Variants in NTN1 observed in about 807,000 individuals in gnomAD.
The protein encoded by NTN1 is netrin 1.
A neutral mutation model predicts 54.2 loss-of-function variants in NTN1; 11 were observed. That is an observed-to-expected ratio of 0.20 (90% CI 0.13 to 0.34). NTN1 has a LOEUF of 0.34. NTN1 is among the 10% of genes least tolerant of loss of function. NTN1 has a pLI of 1.00. For missense variants in NTN1, 740 were observed against 893.1 expected, an observed-to-expected ratio of 0.83 and a Z score of 2.18; for synonymous variants, 371 against 382.0, an observed-to-expected ratio of 0.97 and a Z score of 0.33.
intron 2 of NTN1, among the ~76,000 whole-genome samples, chr17:9,071,346 G>A (rs1377590542): frequency 1.3e-5 from 2 of 152,096 alleles, no homozygotes; most frequent in Non-Finnish European, 2.9e-5. Flanking sequence ...ACGGTCCACA[G>A]CTTGCTCTAA....
chr17:9,154,027 A>C (rs975128971), intron 2 of NTN1, among the ~76,000 whole-genome samples: 16 of 152,230 alleles, frequency 1.1e-4, no homozygotes, highest in Non-Finnish European at 1.8e-4. Flanking sequence ...AGTGGAACCA[A>C]CTACTCCTGT....
chr17:9,204,601 A>G (rs79793737), intron 5 of NTN1, among the ~76,000 whole-genome samples: 6,176 of 152,228 alleles, frequency 0.041, 243 homozygotes, highest in East Asian at 0.17. Flanking sequence ...TTTCAGTTCC[A>G]AGGGGGTGGA....
At chr17:9,109,609 CTGGGGTTATGAA>C (rs2092183082) in intron 2 of NTN1, among the ~76,000 whole-genome samples, 1 of 152,134 alleles carries the variant, frequency 6.6e-6, no homozygotes, top group Non-Finnish European at 1.5e-5. Context: ...TCCATATCTC[CTGGGGTTATGAA>C]TGAGATTTCT....
At chr17:9,109,810 G>A (rs569185472) in intron 2 of NTN1, among the ~76,000 whole-genome samples, 2 of 152,346 alleles carry the variant, frequency 1.3e-5, no homozygotes, top group South Asian at 4.1e-4. Context: ...TTCCGATGGT[G>A]TGTGGTTTAA....
chr17:9,190,714 T>C (rs1904427784), intron 5 of NTN1, among the ~76,000 whole-genome samples: 1 of 152,124 alleles, frequency 6.6e-6, no homozygotes, highest in African/African-American at 2.4e-5. Flanking sequence ...GAGCTGGACA[T>C]GGTAGTGAGC....
In NTN1 at chr17:9,027,264, A is replaced by T. The variant is rs189920865; in HGVS notation, c.1018+3873A>T. 3.3e-5 allele frequency among the ~76,000 whole-genome samples: 5 copies of T among 152,348 alleles called. No individual in the cohort carries two copies. In the East Asian group the frequency reaches 9.6e-4, roughly 29 times the overall value. On this transcript the variant is annotated intron_variant, in intron 2 of 6. Transcript: ENST00000173229. ...AATAATTATTATGATTATTGTCATT[A>T]TGATGATTAACCCTGGAGGACTTAC...
In NTN1 at chr17:9,239,878, C is replaced by G; in HGVS notation, c.1725C>G (p.Ser575Arg). ...AGAGCGGCATCGTGGCCGATAAAAG[C>G]AGCCTGGTGATCCAGTGGCGGGACA... ...PDQSGIVADK[S>R]SLVIQWRDTW... is the part of the protein sequence containing the mutation. Residue 575 changes from serine (S) to arginine (R), a missense_variant, in exon 7 of 7, where the codon AGC becomes AGG. Physicochemically the swap from Ser to Arg is moderately radical, Grantham distance 110 (BLOSUM62 -1). Coordinates refer to ENST00000173229, the MANE Select transcript of NTN1 (RefSeq NM_004822.3). The surrounding 1 kb of genome is among the most constrained non-coding windows in gnomAD (Gnocchi z 5.2). 3 of 1,609,978 alleles carry G rather than the reference C, an allele frequency of 1.9e-6. No homozygotes were observed. The highest frequency in any genetic ancestry group is 2.5e-6 in the Non-Finnish European group (3 of 1,178,616).
intron 2 of NTN1, among the ~76,000 whole-genome samples, chr17:9,089,248 A>C (rs1048115880): frequency 1.3e-5 from 2 of 152,146 alleles, no homozygotes; most frequent in Non-Finnish European, 2.9e-5. Context: ...CCCCGTCTCT[A>C]CTAAAAATAC....
At chr17:9,107,141 C>T (rs1488043208) in intron 2 of NTN1, among the ~76,000 whole-genome samples, 3 of 152,218 alleles carry the variant, frequency 2.0e-5, no homozygotes, top group African/African-American at 7.2e-5. Flanking sequence ...ATTTGTGACA[C>T]TCTCCAACTC....
chr17:9,152,621 C>A (rs1377385770), intron 2 of NTN1, among the ~76,000 whole-genome samples: 1 of 152,202 alleles, frequency 6.6e-6, no homozygotes, highest in Non-Finnish European at 1.5e-5. Context: ...TTCTTCACAG[C>A]GTCATTACCT....
chr17:9,183,683 A>G (rs575157871), intron 5 of NTN1: 68 of 188,396 alleles, frequency 3.6e-4, no homozygotes, highest in African/African-American at 9.8e-4. Flanking sequence ...CATACCATCA[A>G]TCTGGGTCTT....
Position 9,164,821 on chromosome 17 carries a change from G to A in NTN1, c.1207+1820G>A, listed in dbSNP as rs116622948. Among the ~76,000 whole-genome samples, 549 of 152,292 alleles carry A rather than the reference G, an allele frequency of 3.6e-3. 1 individual carries two copies. Among genetic ancestry groups the A allele is most frequent in the African/African-American group, 0.012 (516 of 41,560 alleles). ...TTTAAAAAATCACGGTTTCAGGTGA[G>A]AATCCCCCAGAAGACTGAGCAGAGA... On this transcript the variant is annotated intron_variant, in intron 3 of 6. Transcript: ENST00000173229.
rs1555576159 is a variant in NTN1 at position 9,204,290 on chromosome 17, T to TCTCTC, written c.1412-16878_1412-16877insCTCTC. Reference sequence around the variant, plus strand: ...CTTCTCTCTCTCTTTCTCTATCTCTTTCTCTCTCTCTCTCTCTCTTTCTTT... The same window carrying TCTCTC: ...CTTCTCTCTCTCTTTCTCTATCTCTTCTCTCTCTCTCTCTCTCTCTCTCTTTCTTT... On this transcript the variant is annotated intron_variant, in intron 5 of 6. Coordinates refer to ENST00000173229, the MANE Select transcript of NTN1 (RefSeq NM_004822.3). Among the ~76,000 whole-genome samples, 71 of 143,548 alleles carry TCTCTC rather than the reference T, an allele frequency of 4.9e-4. No homozygotes were observed. In the South Asian group the frequency reaches 5.4e-3, roughly 11 times the overall value. The allele number at this position is 143,548 out of a possible 152,430, so 94.2% of individuals were successfully genotyped here. A position where few individuals can be genotyped will look rare whatever the true frequency, so the allele number is the denominator to read the frequency against.
chr17:9,012,509 TCAAAA>T, the NTN1 span, among the ~76,000 whole-genome samples: 3 of 131,908 alleles, frequency 2.3e-5, no homozygotes, highest in South Asian at 5.1e-4. Context: ...AGACTCCATC[TCAAAA>T]CAAAACAAAA....
intron 2 of NTN1, among the ~76,000 whole-genome samples, chr17:9,084,506 A>G (rs1477405663): frequency 1.3e-5 from 2 of 152,176 alleles, no homozygotes; most frequent in African/African-American, 2.4e-5. Flanking sequence ...GACTCGTTGC[A>G]GAGATTTCCA....
chr17:9,200,417 A>G (rs1450115380), intron 5 of NTN1, among the ~76,000 whole-genome samples: 1 of 152,232 alleles, frequency 6.6e-6, no homozygotes, highest in Non-Finnish European at 1.5e-5. Context: ...CGAGTGGGAG[A>G]TAGAATGGAG....
chr17:9,054,444 A>G (rs907969506), intron 2 of NTN1, among the ~76,000 whole-genome samples: 11 of 152,208 alleles, frequency 7.2e-5, no homozygotes, highest in Admixed American at 2.0e-4. Flanking sequence ...GGTGAATGGA[A>G]GGCGGGGCAG....
chr17:9,041,957 T>C (rs769505910), intron 2 of NTN1, among the ~76,000 whole-genome samples: 12 of 150,002 alleles, frequency 8.0e-5, no homozygotes, highest in Non-Finnish European at 1.8e-4. Flanking sequence ...TGCTGTGAGC[T>C]GAGATTGGGC....
At chr17:9,054,442 G>A (rs1313158989) in intron 2 of NTN1, among the ~76,000 whole-genome samples, 10 of 152,226 alleles carry the variant, frequency 6.6e-5, no homozygotes, top group Non-Finnish European at 1.5e-4. Flanking sequence ...AGGGTGAATG[G>A]AAGGCGGGGC....
Sources: allele counts gnomAD v4.1 joint callset (sites outside exome capture counted in the v4.1 genomes callset), GRCh38; gene constraint gnomAD v4.1.1; non-coding constraint Gnocchi (gnomAD v3.1); transcripts MANE v1.5; gene names NCBI Gene and HGNC (gene_info 2026-07-23, HGNC 2026-07-21).